FCHO2: variants seen among roughly 807,000 people sequenced by gnomAD.
The protein encoded by FCHO2 is F-BAR domain only protein 2.
Under a neutral mutation model 114.1 loss-of-function variants are expected in FCHO2, and 43 were observed. That is an observed-to-expected ratio of 0.38 (90% confidence interval 0.30 to 0.49). The LOEUF (loss-of-function observed/expected upper bound fraction) is 0.49. FCHO2 is among the 20% of genes least tolerant of loss of function. FCHO2 has a pLI of 0.97. For missense variants in FCHO2, 807 were observed against 950.4 expected, an observed-to-expected ratio of 0.85 and a Z score of 1.98; for synonymous variants, 293 against 315.2, an observed-to-expected ratio of 0.93 and a Z score of 0.75.
chr5:73,037,378 A>G (rs530030260), intron 10 of FCHO2, among the ~76,000 whole-genome samples, 163 bp downstream of exon 10: 7 of 140,830 alleles, frequency 5.0e-5, no homozygotes, highest in Non-Finnish European at 7.9e-5. Context: ...ACATTTGCCA[A>G]TTCCTCTGGT....
intron 14 of FCHO2, 124 bp downstream of exon 14, chr5:73,054,295 T>G: frequency 1.0e-6 from 1 of 960,130 alleles, no homozygotes; most frequent in Non-Finnish European, 1.5e-6. Context: ...TTGTTGTAGA[T>G]GTTGCTTTAA....
At chr5:72,982,372 C>T (rs1285040270) in intron 2 of FCHO2, among the ~76,000 whole-genome samples, 2 of 152,144 alleles carry the variant, frequency 1.3e-5, no homozygotes, top group Non-Finnish European at 2.9e-5. Context: ...TTGCCAGCTG[C>T]CCCCTTATTG....
chr5:72,979,378 CTTTTTTTTTTTTTTT>C lies in FCHO2; in HGVS notation c.126-10032_126-10018del, dbSNP rs60234739. 2.8e-3 allele frequency among the ~76,000 whole-genome samples: 140 copies of C among 49,806 alleles called. 2 individuals carry two copies. Among genetic ancestry groups the C allele is most frequent in the South Asian group, 0.011 (10 of 916 alleles). The allele number at this position is 49,806 out of a possible 152,430, so 32.7% of individuals were successfully genotyped here. On this transcript the variant is annotated intron_variant, in intron 2 of 25. Transcript: ENST00000430046. ...TATGTGTCCAGGAATTTATCAATTT[CTTTTTTTTTTTTTTT>C]TTTTTTTTTTTTTTTTGAGACGGAG...
chr5:72,964,151 G>A (rs953542407), intron 1 of FCHO2, among the ~76,000 whole-genome samples: 2 of 151,940 alleles, frequency 1.3e-5, no homozygotes, highest in African/African-American at 4.8e-5. Flanking sequence ...ACTACTGTTT[G>A]CTTCTGTAGT....
chr5:73,028,643 ATTC>A (rs1284565891), intron 8 of FCHO2, among the ~76,000 whole-genome samples: 2 of 137,682 alleles, frequency 1.5e-5, no homozygotes, highest in African/African-American at 2.7e-5. Context: ...ATATTATATG[ATTC>A]TTTTTTTTTT....
intron 24 of FCHO2, among the ~76,000 whole-genome samples, chr5:73,083,195 G>C (rs1322569248): frequency 1.3e-5 from 2 of 151,926 alleles, no homozygotes; most frequent in African/African-American, 4.8e-5. Flanking sequence ...TGGGTGCACC[G>C]TTCCTGGAAG....
At chr5:72,960,800 A>C (rs62360697) in intron 1 of FCHO2, among the ~76,000 whole-genome samples, 17,849 of 152,236 alleles carry the variant, frequency 0.12, 1,268 homozygotes, top group Non-Finnish European at 0.17. Flanking sequence ...CCTGAGTTGA[A>C]TAGCTTATAA....
At chr5:72,998,823 ATT>A (rs762026851) in intron 5 of FCHO2, among the ~76,000 whole-genome samples, 2 of 140,768 alleles carry the variant, frequency 1.4e-5, no homozygotes, top group Non-Finnish European at 1.6e-5. Context: ...CAATTAAAGG[ATT>A]TTTTTTTTTT....
chr5:73,037,205 G>A lies in FCHO2; in HGVS notation c.904G>A (p.Ala302Thr), dbSNP rs1273745071. The change falls in exon 10 of 26, where the codon GCA (alanine) becomes ACA (threonine). Residue 302 changes from alanine (A) to threonine (T), a missense_variant. Coordinates refer to ENST00000430046, the MANE Select transcript of FCHO2 (RefSeq NM_138782.3). The part of the protein sequence containing the change: ...LPGIIKKEKD[A>T]ESVECPDADS... ...AGGAATCATTAAAAAGGAAAAAGAT[G>A]CAGAATCTGTGTAAGTATTTTAAAT... is the stretch of plus-strand genomic sequence containing the variant. The A allele has an allele frequency of 1.3e-6, 2 of 1,598,290 alleles. No homozygotes were observed. The highest frequency in any genetic ancestry group is 1.7e-5 in the Admixed American group (1 of 57,882).
At chr5:73,017,630 ATT>A (rs1181026011) in intron 8 of FCHO2, among the ~76,000 whole-genome samples, 1 of 152,258 alleles carries the variant, frequency 6.6e-6, no homozygotes, top group East Asian at 1.9e-4. Flanking sequence ...ACAGTTTTAG[ATT>A]TTTCAAAATA....
At chr5:73,085,451 G>T (rs553217928) in intron 24 of FCHO2, among the ~76,000 whole-genome samples, 2 of 152,092 alleles carry the variant, frequency 1.3e-5, no homozygotes, top group African/African-American at 4.8e-5. Context: ...TATAAATGTG[G>T]TTTTTGATGT....
intron 6 of FCHO2, among the ~76,000 whole-genome samples, chr5:73,013,476 T>G (rs1317432318): frequency 1.3e-5 from 2 of 152,178 alleles, no homozygotes; most frequent in Non-Finnish European, 2.9e-5. Flanking sequence ...ACAATAGAAA[T>G]GACAAATGTA....
chr5:73,072,106 A>G (rs953271745), intron 19 of FCHO2, among the ~76,000 whole-genome samples: 6 of 151,728 alleles, frequency 4.0e-5, no homozygotes, highest in Non-Finnish European at 7.4e-5. Context: ...ATAGCTCACT[A>G]TAAGCTCAAA....
intron 2 of FCHO2, among the ~76,000 whole-genome samples, chr5:72,976,299 G>T (rs372780962): frequency 1.3e-5 from 2 of 151,842 alleles, no homozygotes; most frequent in Non-Finnish European, 2.9e-5. Flanking sequence ...GGCTAGTCTC[G>T]AACTCCTGGC....
At chr5:72,987,368 G>A (rs541935746) in intron 2 of FCHO2, among the ~76,000 whole-genome samples, 87 of 151,804 alleles carry the variant, frequency 5.7e-4, no homozygotes, top group Admixed American at 1.3e-3. Flanking sequence ...ACAGAGTTTC[G>A]CTCTTGTTGC....
intron 1 of FCHO2, among the ~76,000 whole-genome samples, chr5:72,959,492 G>A (rs1251435287): frequency 6.6e-6 from 1 of 152,156 alleles, no homozygotes; most frequent in African/African-American, 2.4e-5. Flanking sequence ...GGGCAACAGA[G>A]TGAGACCCTG....
chr5:73,025,488 C>T (rs1415303495), intron 8 of FCHO2, among the ~76,000 whole-genome samples: 1 of 151,462 alleles, frequency 6.6e-6, no homozygotes, highest in Non-Finnish European at 1.5e-5. Context: ...AAGCAATTCT[C>T]TTGCCTCATC....
chr5:73,030,901 G>T (rs1461485290), intron 8 of FCHO2, among the ~76,000 whole-genome samples: 1 of 152,168 alleles, frequency 6.6e-6, no homozygotes, highest in East Asian at 1.9e-4. Context: ...TGTCATTGAT[G>T]TCTGCAACTT....
chr5:73,014,328 G>A (rs993769394), intron 6 of FCHO2, among the ~76,000 whole-genome samples: 3 of 142,754 alleles, frequency 2.1e-5, no homozygotes, highest in South Asian at 2.2e-4. Context: ...TCACTCTGTC[G>A]CCCAAGCTGG....
Sources: allele counts gnomAD v4.1 joint callset (sites outside exome capture counted in the v4.1 genomes callset), GRCh38; gene constraint gnomAD v4.1.1; transcripts MANE v1.5; gene names NCBI Gene and HGNC (gene_info 2026-07-23, HGNC 2026-07-21).